The following PRKAR1B variants were observed in gnomAD, a reference collection of about 807,000 sequenced individuals.
PRKAR1B encodes the protein cAMP-dependent protein kinase type I-beta regulatory subunit.
A neutral mutation model predicts 46.5 loss-of-function variants in PRKAR1B; 22 were observed. That is an observed-to-expected ratio of 0.47 (90% CI 0.34 to 0.68). The LOEUF (loss-of-function observed/expected upper bound fraction) is 0.68. PRKAR1B is among the 30% of genes least tolerant of loss of function. The pLI, the probability that PRKAR1B is intolerant of heterozygous loss-of-function variation, is 0.01. For missense variants in PRKAR1B, 445 were observed against 535.6 expected (o/e 0.83, Z 1.67); for synonymous variants, 259 against 217.7 (o/e 1.19, Z -1.67).
intron 3 of PRKAR1B, 55 bp from the exon 4 acceptor site, chr7:677,375 G>T: frequency 6.7e-7 from 1 of 1,501,842 alleles, no homozygotes; most frequent in Non-Finnish European, 9.3e-7. Flanking sequence ...ATGCTGTGAC[G>T]CGGCCTGAAA....
intron 4 of PRKAR1B, among the ~76,000 whole-genome samples, chr7:648,350 G>A (rs771832891): frequency 2.0e-5 from 3 of 151,974 alleles, no homozygotes; most frequent in South Asian, 4.2e-4. Context: ...GGTGGCTCAC[G>A]TCTGTCATCC....
intron 2 of PRKAR1B, among the ~76,000 whole-genome samples, chr7:706,422 A>ATTTTTTTT (rs33963335): frequency 2.0e-5 from 2 of 102,308 alleles, no homozygotes; most frequent in Admixed American, 1.2e-4. Flanking sequence ...CAAATAAGGA[A>ATTTTTTTT]TTTTTTTTTT....
At chr7:584,176 A>G (rs1434333544) in intron 8 of PRKAR1B, among the ~76,000 whole-genome samples, 1 of 152,222 alleles carries the variant, frequency 6.6e-6, no homozygotes, top group Non-Finnish European at 1.5e-5. Context: ...TTTCAGCTCT[A>G]CACGGACTGG....
At position 667,787 on chromosome 7, in the gene PRKAR1B, G is replaced by C. The variant is rs573945579; in HGVS notation, c.440+9442C>G. 7.9e-5 allele frequency among the ~76,000 whole-genome samples: 12 copies of C among 152,246 alleles called. No homozygotes were observed. The highest frequency in any genetic ancestry group is 1.3e-4 in the Non-Finnish European group (9 of 68,012). On this transcript the variant is annotated intron_variant, in intron 4 of 10. Transcript: ENST00000537384. This position sits in a 1 kb window ranked among gnomAD's most constrained non-coding sequence, Gnocchi z 4.3. The stretch of plus-strand genomic sequence containing the variant: ...ACAGGGAAGGAAACTGAGGCTGTGA[G>C]GTTGACACTATGCCTCTCACAGATC...
intron 4 of PRKAR1B, among the ~76,000 whole-genome samples, chr7:624,429 C>A (rs1307809197): frequency 6.6e-6 from 1 of 150,612 alleles, no homozygotes; most frequent in Non-Finnish European, 1.5e-5. Flanking sequence ...AAGACTCCAT[C>A]TCAAAAAGAA....
intron 6 of PRKAR1B, 152 bp from the exon 7 acceptor site, chr7:596,456 C>A: frequency 1.0e-6 from 1 of 963,756 alleles, no homozygotes; most frequent in Non-Finnish European, 1.5e-6. Flanking sequence ...GCCCTGCGTT[C>A]CCCAGCAATG....
rs543350735 is a variant in PRKAR1B at position 599,181 on chromosome 7, A to G, written c.550-2877T>C. ...CACTGTGCTCGGCCGCCCGGAGGAC[A>G]AAGGGGCCATCCTTCTCAGGACACT... On this transcript the variant is annotated intron_variant, in intron 6 of 10. Coordinates refer to ENST00000537384, the MANE Select transcript of PRKAR1B (RefSeq NM_001164760.2). 5.9e-5 allele frequency among the ~76,000 whole-genome samples: 9 copies of G among 152,316 alleles called. No homozygotes were observed. In the South Asian group the frequency reaches 1.9e-3, roughly 32 times the overall value.
chr7:585,633 C>T (rs1287626721), intron 7 of PRKAR1B, among the ~76,000 whole-genome samples: 6 of 152,140 alleles, frequency 3.9e-5, no homozygotes, highest in Non-Finnish European at 5.9e-5. Context: ...CTGTGTTGAA[C>T]GCCCACTCCA....
At chr7:670,344 C>T (rs1786166532) in intron 4 of PRKAR1B, among the ~76,000 whole-genome samples, 1 of 152,208 alleles carries the variant, frequency 6.6e-6, no homozygotes, top group Admixed American at 6.5e-5. Flanking sequence ...GGGACCAGTC[C>T]ATGGCCCATG....
intron 4 of PRKAR1B, among the ~76,000 whole-genome samples, chr7:637,366 G>A (rs1784170809): frequency 6.6e-6 from 1 of 152,048 alleles, no homozygotes; most frequent in Admixed American, 6.6e-5. Flanking sequence ...GCAATGAGCC[G>A]AGATTGCGCC....
intron 2 of PRKAR1B, among the ~76,000 whole-genome samples, chr7:693,654 G>A (rs566193425): frequency 2.6e-4 from 40 of 152,218 alleles, no homozygotes; most frequent in African/African-American, 8.7e-4. Flanking sequence ...TCGAGCTGAC[G>A]GACGTGCGAG....
intron 9 of PRKAR1B, 24 bp downstream of exon 9, chr7:579,232 G>A (rs62431412): frequency 0.39 from 629,985 of 1,612,904 alleles, 128,016 homozygotes; most frequent in African/African-American, 0.48. Context: ...CACCCAGAGC[G>A]CCCACGTGGG....
intron 6 of PRKAR1B, among the ~76,000 whole-genome samples, chr7:601,603 C>T (rs1781598907): frequency 6.6e-6 from 1 of 152,242 alleles, no homozygotes; most frequent in Non-Finnish European, 1.5e-5. Flanking sequence ...CTGCAGGCAG[C>T]TCCTGCGCCC....
intron 8 of PRKAR1B, among the ~76,000 whole-genome samples, chr7:584,019 G>A (rs1314610811): frequency 2.0e-5 from 3 of 152,218 alleles, no homozygotes; most frequent in Non-Finnish European, 4.4e-5. Context: ...CCAGCCTGCC[G>A]TTATCCTTCC....
chr7:585,363 A>G lies in PRKAR1B; in HGVS notation c.709-795T>C, dbSNP rs188129069. On this transcript the variant is annotated intron_variant, in intron 7 of 10. Coordinates refer to ENST00000537384, the MANE Select transcript of PRKAR1B (RefSeq NM_001164760.2). The stretch of plus-strand genomic sequence containing the variant: ...CTTTGTACAGTGCACGAACTCCACA[A>G]CTGTACAGAGCAGCCGCACGGTGGG... Among the ~76,000 whole-genome samples, 19 of 152,116 alleles carry G rather than the reference A, an allele frequency of 1.2e-4. No individual in the cohort carries two copies. In the East Asian group the frequency reaches 3.5e-3, roughly 28 times the overall value.
chr7:709,702 C>A (rs983928991), intron 2 of PRKAR1B, among the ~76,000 whole-genome samples: 1 of 152,144 alleles, frequency 6.6e-6, no homozygotes, highest in South Asian at 2.1e-4. Flanking sequence ...GGGTTTCGCT[C>A]TGTTGCCCAG....
At chr7:615,043 C>T (rs1782723704) in intron 4 of PRKAR1B, among the ~76,000 whole-genome samples, 1 of 151,892 alleles carries the variant, frequency 6.6e-6, no homozygotes, top group South Asian at 2.1e-4. Context: ...TGCCACTGCA[C>T]TCCAGCCTGG....
chr7:632,263 G>A (rs962425829), intron 4 of PRKAR1B, among the ~76,000 whole-genome samples: 1 of 152,104 alleles, frequency 6.6e-6, no homozygotes, highest in African/African-American at 2.4e-5. Context: ...CCAGCAGCTC[G>A]GCCCCTGCAG....
chr7:640,209 T>C (rs1015789714), intron 4 of PRKAR1B, among the ~76,000 whole-genome samples: 1 of 151,934 alleles, frequency 6.6e-6, no homozygotes, highest in Non-Finnish European at 1.5e-5. Context: ...ATAAAAATTT[T>C]TGCACTTCAA....
Sources: gnomAD v4.1 joint callset for allele counts (sites outside exome capture counted in the v4.1 genomes callset) on GRCh38, gnomAD v4.1.1 for gene constraint, Gnocchi (gnomAD v3.1) non-coding constraint, MANE v1.5 for transcripts, NCBI Gene and HGNC (gene_info 2026-07-23, HGNC 2026-07-21) for gene names.